The following CEP57L1 variants were observed in gnomAD, a reference collection of about 807,000 sequenced individuals.
CEP57L1 encodes centrosomal protein CEP57L1.
A neutral mutation model predicts 61.0 loss-of-function variants in CEP57L1; 37 were observed. That is an observed-to-expected ratio of 0.61 (90% CI 0.47 to 0.80). CEP57L1 has a LOEUF of 0.80. Ranked by LOEUF, CEP57L1 falls within the 30% of genes least tolerant of loss-of-function variation. The pLI, the probability that CEP57L1 is intolerant of heterozygous loss-of-function variation, is 0.00. For synonymous variants in CEP57L1, 137 were observed against 162.3 expected (o/e 0.84, Z 1.19); for missense variants, 422 against 524.7 (o/e 0.80, Z 1.91).
At chr6:109,129,655 A>G (rs1335482535) in intron 1 of CEP57L1, among the ~76,000 whole-genome samples, 1 of 152,184 alleles carries the variant, frequency 6.6e-6, no homozygotes, top group Non-Finnish European at 1.5e-5. Context: ...CTATTGGGTA[A>G]AATTTAAAAA....
At chr6:109,127,563 T>A (rs1773702933) in intron 1 of CEP57L1, among the ~76,000 whole-genome samples, 1 of 152,082 alleles carries the variant, frequency 6.6e-6, no homozygotes, top group African/African-American at 2.4e-5. Flanking sequence ...TTTGAGAGTT[T>A]TTTTTTTCCT....
intron 6 of CEP57L1, 69 bp downstream of exon 6, chr6:109,155,376 A>G (rs958900243): frequency 2.5e-6 from 2 of 806,528 alleles, no homozygotes; most frequent in Admixed American, 6.2e-5. Flanking sequence ...ATTTTCATTA[A>G]CTGAAGCCTA....
Position 109,172,214 on chromosome 6 carries a change from C to T in CEP57L1, c.*9244C>T, listed in dbSNP as rs1774437342. ...AGACAGACCATAATTCTCTCAGCAA[C>T]AATGTGTGACAACATTCTTGGAGAA... On this transcript the variant is annotated 3_prime_UTR_variant, in exon 11 of 11. Transcript: ENST00000517392. Among the ~76,000 whole-genome samples, 3 of 152,098 alleles carry T rather than the reference C, an allele frequency of 2.0e-5. No homozygotes were observed. Among genetic ancestry groups the T allele is most frequent in the South Asian group, 4.2e-4 (2 of 4,806 alleles).
At chr6:109,154,835 T>C (rs1415243862) in intron 5 of CEP57L1, among the ~76,000 whole-genome samples, 5 of 152,098 alleles carry the variant, frequency 3.3e-5, no homozygotes, top group Admixed American at 6.6e-5. Context: ...TACACTCTTA[T>C]CACATATATG....
intron 1 of CEP57L1, among the ~76,000 whole-genome samples, chr6:109,135,537 T>G (rs1774766903): frequency 1.3e-5 from 2 of 152,096 alleles, no homozygotes; most frequent in African/African-American, 4.8e-5. Context: ...CCAAAAACAA[T>G]GGCAACAAAA....
Position 109,163,076 on chromosome 6 carries a change from T to G in CEP57L1, c.*106T>G. 1.4e-6 allele frequency: 1 copy of G among 733,398 alleles called. No individual in the cohort carries two copies. 45.4% of individuals were successfully genotyped at this position (733,398 alleles called of 1,614,324 possible). On this transcript the variant is annotated 3_prime_UTR_variant, in exon 11 of 11. Transcript: ENST00000517392. Reference sequence around the variant, plus strand: ...TTTGTGACATTTTGAATCATGTTTCTAGTTTCTATAAAACATGAAGTTGCA... The same window carrying G: ...TTTGTGACATTTTGAATCATGTTTCGAGTTTCTATAAAACATGAAGTTGCA...
At chr6:109,096,149 T>C (rs1191978828) in intron 1 of CEP57L1, among the ~76,000 whole-genome samples, 2 of 152,174 alleles carry the variant, frequency 1.3e-5, no homozygotes, top group African/African-American at 2.4e-5. Flanking sequence ...TGCTTAAAAT[T>C]AGTTTGCTTT....
chr6:109,103,639 G>T (rs915709954), intron 1 of CEP57L1, among the ~76,000 whole-genome samples: 1 of 151,972 alleles, frequency 6.6e-6, no homozygotes, highest in Admixed American at 6.5e-5. Context: ...TGTTTTTGGT[G>T]TCTCCAAATT....
intron 1 of CEP57L1, among the ~76,000 whole-genome samples, chr6:109,114,015 A>G (rs1771989267): frequency 3.3e-5 from 5 of 152,034 alleles, no homozygotes; most frequent in Admixed American, 3.3e-4. Context: ...TGCAGTGAAC[A>G]TGGGAGTGCA....
At chr6:109,105,225 G>A (rs1463710808) in intron 1 of CEP57L1, among the ~76,000 whole-genome samples, 1 of 151,382 alleles carries the variant, frequency 6.6e-6, no homozygotes, top group Non-Finnish European at 1.5e-5. Flanking sequence ...TTTTTTATTT[G>A]TAAATTGTCT....
rs531852727 is a variant in CEP57L1, at chr6:109,167,610, G to A, written c.*4640G>A. Among the ~76,000 whole-genome samples the A allele has an allele frequency of 3.3e-5, 5 of 152,122 alleles. No individual in the cohort carries two copies. In the South Asian group the frequency reaches 8.3e-4, roughly 25 times the overall value. ...GATAATTGCTTGAACCTGGGAGGCA[G>A]AGGTTGCGGTGAGCCGAGATTGTGC... On this transcript the variant is annotated 3_prime_UTR_variant, in exon 11 of 11. Transcript: ENST00000517392.
intron 1 of CEP57L1, chr6:109,130,927 T>C (rs573944124): frequency 6.6e-6 from 1 of 152,270 alleles, no homozygotes; most frequent in African/African-American, 2.4e-5. Flanking sequence ...AAGCACTCTA[T>C]GGGAAATACA....
rs1774363840 is a variant in CEP57L1, at chr6:109,170,718, T to C, written c.*7748T>C. 6.6e-6 allele frequency among the ~76,000 whole-genome samples: 1 copy of C among 152,210 alleles called. No homozygotes were observed. Among genetic ancestry groups the C allele is most frequent in the Non-Finnish European group, 1.5e-5 (1 of 68,034 alleles). On this transcript the variant is annotated 3_prime_UTR_variant, in exon 11 of 11. Coordinates refer to ENST00000517392, the MANE Select transcript of CEP57L1 (RefSeq NM_001271852.3). The stretch of plus-strand genomic sequence containing the variant: ...TGTGGAACATTTATGGTTTTATAAC[T>C]TACAATTTCTAGCAAAAGTATCTTT...
In CEP57L1 at chr6:109,166,758, T is replaced by G. The variant is rs1774130050; in HGVS notation, c.*3788T>G. 6.6e-6 allele frequency among the ~76,000 whole-genome samples: 1 copy of G among 152,144 alleles called. No individual in the cohort carries two copies. Among genetic ancestry groups the G allele is most frequent in the Non-Finnish European group, 1.5e-5 (1 of 68,022 alleles). The stretch of plus-strand genomic sequence containing the variant: ...TTACTTGTAATGTGAGAAATCAATC[T>G]AAGGGGGGAAGAGGCCAGTTGGTTA... On this transcript the variant is annotated 3_prime_UTR_variant, in exon 11 of 11. Coordinates refer to ENST00000517392, the MANE Select transcript of CEP57L1 (RefSeq NM_001271852.3).
At chr6:109,143,975 C>G (rs1324288988) in intron 1 of CEP57L1, among the ~76,000 whole-genome samples, 1 of 152,090 alleles carries the variant, frequency 6.6e-6, no homozygotes, top group South Asian at 2.1e-4. Flanking sequence ...TAATGTTGAT[C>G]TCTTGTTTTT....
At chr6:109,101,032 G>C (rs1782327358) in intron 1 of CEP57L1, among the ~76,000 whole-genome samples, 1 of 151,900 alleles carries the variant, frequency 6.6e-6, no homozygotes, top group African/African-American at 2.4e-5. Flanking sequence ...GCCTGAGCCT[G>C]GGAGGCAGAG....
At chr6:109,114,045 AT>A (rs562253393) in intron 1 of CEP57L1, among the ~76,000 whole-genome samples, 17 of 147,798 alleles carry the variant, frequency 1.2e-4, no homozygotes, top group African/African-American at 9.9e-5. Context: ...TTCTGTACTT[AT>A]TTTTTTTTTG....
At chr6:109,158,816 G>GTAA in intron 7 of CEP57L1, 1 of 584,810 alleles carries the variant, frequency 1.7e-6, no homozygotes, top group Non-Finnish European at 3.0e-6. Flanking sequence ...ATATTTCACT[G>GTAA]TAATTTTAAC....
intron 4 of CEP57L1, among the ~76,000 whole-genome samples, chr6:109,152,965 G>A (rs1264836848): frequency 1.3e-5 from 2 of 151,716 alleles, no homozygotes; most frequent in Non-Finnish European, 2.9e-5. Flanking sequence ...AAAACTTAGT[G>A]TAGGGCATGG....
Sources: allele counts gnomAD v4.1 joint callset (sites outside exome capture counted in the v4.1 genomes callset), GRCh38; gene constraint gnomAD v4.1.1; transcripts MANE v1.5; gene names NCBI Gene and HGNC (gene_info 2026-07-23, HGNC 2026-07-21).